AGMO: variants seen among roughly 807,000 people sequenced by gnomAD.
AGMO encodes the protein alkylglycerol monooxygenase.
AGMO carries 75 observed loss-of-function variants against 60.2 expected under a neutral mutation model. The observed-to-expected ratio is 1.25, with a 90% CI of 1.03 to 1.51. The LOEUF (loss-of-function observed/expected upper bound fraction) is 1.51, where lower values mean the gene tolerates loss of function less well. Ranked by LOEUF, AGMO falls within the 40% of genes most tolerant of loss-of-function variation. The probability of loss-of-function intolerance (pLI) is 0.00; values close to 1 mark genes in which losing one functional copy is unlikely to be tolerated. For synonymous variants in AGMO, 261 were observed against 177.1 expected, an observed-to-expected ratio of 1.47 and a Z score of -3.76; for missense variants, 763 against 525.5, an observed-to-expected ratio of 1.45 and a Z score of -4.42.
chr7:15,553,047 C>G (rs1785014438), intron 2 of AGMO, among the ~76,000 whole-genome samples: 1 of 151,324 alleles, frequency 6.6e-6, no homozygotes, highest in Non-Finnish European at 1.5e-5. Flanking sequence ...TGGAAATCAT[C>G]ATTCTCAGTA....
At chr7:15,320,626 T>C (rs1781080110) in intron 12 of AGMO, among the ~76,000 whole-genome samples, 1 of 152,156 alleles carries the variant, frequency 6.6e-6, no homozygotes. Context: ...ATGGTTAGAA[T>C]TTCAGAGAAG....
At chr7:15,159,366 A>C in the AGMO span, among the ~76,000 whole-genome samples, 4 of 152,182 alleles carry the variant, frequency 2.6e-5, no homozygotes, top group African/African-American at 9.6e-5. Flanking sequence ...GTGGTAAAAG[A>C]CAGTGCAGAG....
At chr7:15,243,087 C>A (rs932117323) in intron 12 of AGMO, among the ~76,000 whole-genome samples, 1 of 151,762 alleles carries the variant, frequency 6.6e-6, no homozygotes, top group Non-Finnish European at 1.5e-5. Flanking sequence ...TGTTAAAATA[C>A]AAGAATTTAG....
At chr7:15,303,333 A>T (rs2128527226) in intron 12 of AGMO, among the ~76,000 whole-genome samples, 1 of 152,270 alleles carries the variant, frequency 6.6e-6, no homozygotes, top group East Asian at 1.9e-4. Context: ...TATTTAAGAT[A>T]CATTAGGTAA....
At chr7:15,269,932 G>C (rs147429244) in intron 12 of AGMO, among the ~76,000 whole-genome samples, 57 of 152,140 alleles carry the variant, frequency 3.7e-4, no homozygotes, top group African/African-American at 1.3e-3. Flanking sequence ...TGCTGCAAAA[G>C]ACATTATTTC....
chr7:15,380,980 A>G (rs1025690054), intron 10 of AGMO, among the ~76,000 whole-genome samples: 1 of 152,212 alleles, frequency 6.6e-6, no homozygotes, highest in African/African-American at 2.4e-5. Context: ...GCCTAGCCAT[A>G]TGCAGAAGAT....
intron 5 of AGMO, among the ~76,000 whole-genome samples, chr7:15,404,071 A>G (rs1185270964): frequency 6.6e-6 from 1 of 151,922 alleles, no homozygotes; most frequent in Non-Finnish European, 1.5e-5. Context: ...TGAAAAAACA[A>G]TATTTATAGT....
At position 15,211,115 on chromosome 7, in the gene AGMO, C is replaced by CA. The variant is rs910969727; in HGVS notation, c.1264-9757dup. Among the ~76,000 whole-genome samples the CA allele has an allele frequency of 9.3e-4, 141 of 152,064 alleles. 1 individual carries two copies. The highest frequency in any genetic ancestry group is 3.3e-3 in the African/African-American group (138 of 41,542). On this transcript the variant is annotated intron_variant, in intron 12 of 12. Transcript: ENST00000342526. ...CAAACTAGGATGTCCCAGTTCAACA[C>CA]AAACTATTTTGCCTCAAGAGGTCAA...
chr7:15,345,336 C>G (rs1459970865), intron 12 of AGMO, among the ~76,000 whole-genome samples: 1 of 152,178 alleles, frequency 6.6e-6, no homozygotes, highest in African/African-American at 2.4e-5. Flanking sequence ...AGCAATTTCT[C>G]ACCTCCTGGC....
chr7:15,450,784 A>G (rs1357449477), intron 3 of AGMO, among the ~76,000 whole-genome samples: 1 of 152,170 alleles, frequency 6.6e-6, no homozygotes, highest in Non-Finnish European at 1.5e-5. Flanking sequence ...TGAAAGGCCT[A>G]TTGCTGACTT....
the AGMO span, among the ~76,000 whole-genome samples, chr7:15,180,150 T>G: frequency 6.6e-6 from 1 of 152,206 alleles, no homozygotes. Context: ...AGCAAAAGGC[T>G]GCTTTGCTAC....
chr7:15,288,154 G>C (rs1784153530), intron 12 of AGMO, among the ~76,000 whole-genome samples: 1 of 151,912 alleles, frequency 6.6e-6, no homozygotes, highest in Non-Finnish European at 1.5e-5. Context: ...CTCCTGAGTA[G>C]CTAGGACCAC....
Position 15,514,661 on chromosome 7 carries a change from C to T in AGMO, c.409+30111G>A, listed in dbSNP as rs191829304. On this transcript the variant is annotated intron_variant, in intron 3 of 12. Coordinates refer to ENST00000342526, the MANE Select transcript of AGMO (RefSeq NM_001004320.2). Reference sequence around the variant, plus strand: ...ATATGTGAAAATGCATTTACATCTTCAATAAAAGAATCGTCATATGCATAA... The same window carrying T: ...ATATGTGAAAATGCATTTACATCTTTAATAAAAGAATCGTCATATGCATAA... Among the ~76,000 whole-genome samples, 23 of 152,202 alleles carry T rather than the reference C, an allele frequency of 1.5e-4. 1 individual carries two copies. Among genetic ancestry groups the T allele is most frequent in the African/African-American group, 4.3e-4 (18 of 41,530 alleles).
At chr7:15,126,562 C>T in the AGMO span, among the ~76,000 whole-genome samples, 862 of 152,100 alleles carry the variant, frequency 5.7e-3, 6 homozygotes, top group African/African-American at 0.02. Context: ...AATCTTGCCC[C>T]AATTCCTGTC....
At chr7:15,351,712 C>T (rs548301358) in intron 12 of AGMO, among the ~76,000 whole-genome samples, 2 of 152,052 alleles carry the variant, frequency 1.3e-5, no homozygotes, top group East Asian at 3.9e-4. Context: ...TTTAAGTGGA[C>T]ACATAAATAA....
the AGMO span, among the ~76,000 whole-genome samples, chr7:15,183,061 C>T: frequency 6.6e-6 from 1 of 151,944 alleles, no homozygotes; most frequent in South Asian, 2.1e-4. Flanking sequence ...TTGGGGATTA[C>T]AATTTGACAT....
chr7:15,425,018 G>A (rs1038565073), intron 4 of AGMO, among the ~76,000 whole-genome samples: 1 of 152,146 alleles, frequency 6.6e-6, no homozygotes. Flanking sequence ...TTTCTCTGCA[G>A]TCTCATATGT....
Position 15,432,379 on chromosome 7 carries a change from T to TATATAC in AGMO, c.410-1272_410-1271insGTATAT, listed in dbSNP as rs373845365. Among the ~76,000 whole-genome samples, 943 of 136,170 alleles carry TATATAC rather than the reference T, an allele frequency of 6.9e-3. 33 individuals carry two copies. Among genetic ancestry groups the TATATAC allele is most frequent in the Middle Eastern group, 0.024 (6 of 252 alleles). 89.3% of individuals were successfully genotyped at this position (136,170 alleles called of 152,430 possible). ...ATATATATACACACACATATATATA[T>TATATAC]ACACTATCTGGGTAAATTTTGGCCA... On this transcript the variant is annotated intron_variant, in intron 3 of 12. Coordinates refer to ENST00000342526, the MANE Select transcript of AGMO (RefSeq NM_001004320.2).
At chr7:15,332,998 G>A (rs1184126861) in intron 12 of AGMO, among the ~76,000 whole-genome samples, 1 of 151,962 alleles carries the variant, frequency 6.6e-6, no homozygotes, top group African/African-American at 2.4e-5. Context: ...AATCTCTCTG[G>A]CAACAGAAAC....
Sources: gnomAD v4.1 joint callset for allele counts (sites outside exome capture counted in the v4.1 genomes callset) on GRCh38, gnomAD v4.1.1 for gene constraint, MANE v1.5 for transcripts, NCBI Gene and HGNC (gene_info 2026-07-23, HGNC 2026-07-21) for gene names.